The following USP45 variants were observed in gnomAD, a reference collection of about 807,000 sequenced individuals.
USP45 encodes ubiquitin specific peptidase 45, also known as ubiquitin carboxyl-terminal hydrolase 45.
USP45 carries 89 observed loss-of-function variants against 95.8 expected under a neutral mutation model. The ratio of observed to expected loss-of-function variants is 0.93; its 90% confidence interval spans 0.78 to 1.11. The LOEUF (loss-of-function observed/expected upper bound fraction) is 1.11, where lower values mean the gene tolerates loss of function less well. Among genes scored for constraint, USP45 ranks in the 50% least tolerant of loss-of-function variants. USP45 has a pLI of 0.00. For synonymous variants in USP45, 281 were observed against 316.2 expected (o/e 0.89, Z 1.18); for missense variants, 898 against 942.5 (o/e 0.95, Z 0.62).
intron 1 of USP45, among the ~76,000 whole-genome samples, 160 bp from the exon 2 acceptor site, chr6:99,510,390 T>A (rs961897143): frequency 2.0e-5 from 3 of 152,234 alleles, no homozygotes; most frequent in Non-Finnish European, 4.4e-5. Flanking sequence ...ATGAAATAAA[T>A]CTTTGTTAAA....
intron 6 of USP45, 124 bp downstream of exon 6, chr6:99,488,555 CAA>C: frequency 9.0e-7 from 1 of 1,107,040 alleles, no homozygotes; most frequent in East Asian, 2.5e-5. Context: ...ATAGCGTAAA[CAA>C]AAGGAAAACA....
At chr6:99,466,079 C>G (rs552988141) in intron 11 of USP45, among the ~76,000 whole-genome samples, 137 of 151,698 alleles carry the variant, frequency 9.0e-4, no homozygotes, top group African/African-American at 3.2e-3. Context: ...TGCAGTAGTG[C>G]GATCTCGGCT....
chr6:99,511,480 C>T (rs920288592), intron 1 of USP45, among the ~76,000 whole-genome samples: 3 of 151,920 alleles, frequency 2.0e-5, no homozygotes, highest in Non-Finnish European at 2.9e-5. Flanking sequence ...CAAAGTCTCA[C>T]TCTGATGGCC....
intron 13 of USP45, 89 bp from the exon 14 acceptor site, chr6:99,446,552 A>C (rs1213963611): frequency 8.3e-7 from 1 of 1,203,384 alleles, no homozygotes; most frequent in African/African-American, 1.5e-5. Flanking sequence ...CATAGTTATT[A>C]AATACCATTT....
At chr6:99,515,900 G>A (rs6932460), upstream of USP45, among the ~76,000 whole-genome samples, 13,746 of 146,240 alleles carry the variant, frequency 0.094, 840 homozygotes, top group Middle Eastern at 0.14. Context: ...TTAGCCTCCC[G>A]AGTAGCTGGG....
chr6:99,453,089 A>G (rs1390048611), intron 13 of USP45, among the ~76,000 whole-genome samples: 3 of 151,542 alleles, frequency 2.0e-5, no homozygotes, highest in African/African-American at 7.3e-5. Flanking sequence ...TGGCGAGTCA[A>G]TGGGTGCAGC....
chr6:99,490,390 G>C (rs1188547025), intron 5 of USP45, among the ~76,000 whole-genome samples: 1 of 151,506 alleles, frequency 6.6e-6, no homozygotes, highest in Non-Finnish European at 1.5e-5. Context: ...ATGTTGGCCA[G>C]GCTGGTCTCA....
At chr6:99,465,287 C>T (rs1562351291) in intron 11 of USP45, 151 bp from the exon 12 acceptor site, 8 of 524,456 alleles carry the variant, frequency 1.5e-5, no homozygotes, top group Non-Finnish European at 2.7e-5. Flanking sequence ...TTGGGTATTG[C>T]AGCACATTGT....
intron 5 of USP45, among the ~76,000 whole-genome samples, chr6:99,493,461 A>T (rs906857163): frequency 3.3e-5 from 5 of 152,226 alleles, no homozygotes; most frequent in African/African-American, 1.2e-4. Context: ...TGTCTGAATC[A>T]GTCTCAATTA....
At chr6:99,440,912 T>C (rs1781399382) in intron 15 of USP45, among the ~76,000 whole-genome samples, 3 of 152,214 alleles carry the variant, frequency 2.0e-5, no homozygotes, top group Admixed American at 2.0e-4. Context: ...ATCAGTACTT[T>C]GCTGTTGAGA....
chr6:99,472,932 AC>A (rs1404877408), intron 9 of USP45, among the ~76,000 whole-genome samples: 1 of 152,126 alleles, frequency 6.6e-6, no homozygotes, highest in East Asian at 1.9e-4. Flanking sequence ...TTGAAGCTCA[AC>A]TCTAAGTATC....
At position 99,486,675 on chromosome 6, in the gene USP45, G is replaced by GAT. The variant is rs775357131; in HGVS notation, c.714+1523_714+1524dup. Among the ~76,000 whole-genome samples, 17 of 151,152 alleles carry GAT rather than the reference G, an allele frequency of 1.1e-4. No homozygotes were observed. The East Asian group carries it at 1.2e-3, about 10-fold the overall frequency. The stretch of plus-strand genomic sequence containing the variant: ...ATATATAATAATACTGTCTTTCAAA[G>GAT]ATATATATATAAAACAATACTGTCT... On this transcript the variant is annotated intron_variant, in intron 7 of 17. Transcript: ENST00000500704.
intron 2 of USP45, among the ~76,000 whole-genome samples, chr6:99,509,807 A>G (rs1799373004): frequency 6.6e-6 from 1 of 152,210 alleles, no homozygotes. Flanking sequence ...AATTAAAAAC[A>G]TATACAGTCT....
At chr6:99,472,242 G>A (rs71564270) in intron 9 of USP45, among the ~76,000 whole-genome samples, 12,792 of 126,822 alleles carry the variant, frequency 0.1, 615 homozygotes, top group East Asian at 0.16. Flanking sequence ...TTTTGAGAAC[G>A]TGTCTCACTC....
chr6:99,502,608 A>G (rs573704108), intron 5 of USP45, among the ~76,000 whole-genome samples: 21 of 152,336 alleles, frequency 1.4e-4, no homozygotes, highest in African/African-American at 4.8e-4. Flanking sequence ...CATTTCATAC[A>G]TATGTGTCAA....
intron 9 of USP45, among the ~76,000 whole-genome samples, chr6:99,470,975 T>C (rs1057305444): frequency 1.5e-4 from 23 of 152,158 alleles, no homozygotes; most frequent in African/African-American, 5.3e-4. Flanking sequence ...GAAACTTTGC[T>C]ATATATCCTG....
At chr6:99,476,255 A>G in intron 8 of USP45, 25 bp from the exon 9 acceptor site, 1 of 1,591,168 alleles carries the variant, frequency 6.3e-7, no homozygotes, top group Non-Finnish European at 8.6e-7. Flanking sequence ...CAAAAGAGGA[A>G]AGAAAAAAAG....
In USP45 at chr6:99,461,042, A is replaced by G. The variant is rs900361138; in HGVS notation, c.1308+3562T>C. 5.1e-6 allele frequency: 5 copies of G among 985,420 alleles called. No individual in the cohort carries two copies. In the African/African-American group the frequency reaches 8.7e-5, roughly 17 times the overall value. The allele number at this position is 985,420 out of a possible 1,614,324, so 61.0% of individuals were successfully genotyped here. On this transcript the variant is annotated intron_variant, in intron 13 of 17. Coordinates refer to ENST00000500704, the MANE Select transcript of USP45 (RefSeq NM_001346022.3). ...TAACAGGTGGTGGGAACCAAAGTTCATGTAAATTGTACCAGAGCACAATGC... is the reference window on the plus strand; with the variant it reads ...TAACAGGTGGTGGGAACCAAAGTTCGTGTAAATTGTACCAGAGCACAATGC...
intron 11 of USP45, 93 bp downstream of exon 11, chr6:99,466,579 A>C: frequency 9.4e-7 from 1 of 1,061,734 alleles, no homozygotes; most frequent in East Asian, 2.5e-5. Flanking sequence ...AAATTTTAAA[A>C]ATGACTGCCA....
Sources: gnomAD v4.1 joint callset for allele counts (sites outside exome capture counted in the v4.1 genomes callset) on GRCh38, gnomAD v4.1.1 for gene constraint, MANE v1.5 for transcripts, NCBI Gene and HGNC (gene_info 2026-07-23, HGNC 2026-07-21) for gene names.